MACROD1: variants seen among roughly 807,000 people sequenced by gnomAD.
MACROD1 encodes mono-ADP ribosylhydrolase 1, also known as ADP-ribose glycohydrolase MACROD1.
MACROD1 carries 31 observed loss-of-function variants against 41.4 expected under a neutral mutation model. The observed-to-expected ratio is 0.75, with a 90% CI of 0.56 to 1.01. MACROD1 has a LOEUF of 1.01. MACROD1 is among the 50% of genes least tolerant of loss of function. The pLI is 0.00. For synonymous variants in MACROD1, 252 were observed against 203.4 expected (o/e 1.24, Z -2.03); for missense variants, 473 against 460.0 (o/e 1.03, Z -0.26).
intron 3 of MACROD1, among the ~76,000 whole-genome samples, chr11:64,115,107 C>T (rs1351404370): frequency 6.6e-6 from 1 of 152,166 alleles, no homozygotes; most frequent in African/African-American, 2.4e-5. Flanking sequence ...GCCATCATGT[C>T]CCATCATTGA....
chr11:64,155,676 C>T (rs1353685738), intron 1 of MACROD1, among the ~76,000 whole-genome samples: 1 of 152,176 alleles, frequency 6.6e-6, no homozygotes, highest in East Asian at 1.9e-4. Flanking sequence ...CTTGGGGACA[C>T]AGCAGCCGGA....
At chr11:64,063,585 C>T (rs1226470581) in intron 3 of MACROD1, among the ~76,000 whole-genome samples, 2 of 152,170 alleles carry the variant, frequency 1.3e-5, no homozygotes, top group Non-Finnish European at 1.5e-5. Flanking sequence ...TCTTCCCCGG[C>T]GTCTCTTCCT....
intron 3 of MACROD1, among the ~76,000 whole-genome samples, chr11:64,102,370 C>T (rs534467265): frequency 1.3e-5 from 2 of 152,132 alleles, no homozygotes; most frequent in African/African-American, 4.8e-5. Flanking sequence ...ACTGACCCCC[C>T]ACCTAGGAAG....
At chr11:64,019,557 G>A (rs1181152430) in intron 3 of MACROD1, among the ~76,000 whole-genome samples, 1 of 152,222 alleles carries the variant, frequency 6.6e-6, no homozygotes, top group East Asian at 1.9e-4. Flanking sequence ...GCTCAGAAAC[G>A]ACAGGTCACA....
Position 64,096,660 on chromosome 11 carries a change from G to T in MACROD1, c.517+54579C>A, listed in dbSNP as rs951970225. 2.0e-5 allele frequency among the ~76,000 whole-genome samples: 3 copies of T among 152,002 alleles called. No homozygotes were observed. Among genetic ancestry groups the T allele is most frequent in the Admixed American group, 6.5e-5 (1 of 15,268 alleles). On this transcript the variant is annotated intron_variant, in intron 3 of 10. Coordinates refer to ENST00000255681, the MANE Select transcript of MACROD1 (RefSeq NM_014067.4). The surrounding 1 kb of genome is among the most constrained non-coding windows in gnomAD (Gnocchi z 4.6). Reference sequence around the variant, plus strand: ...TCGAACTCCTGACCTCAAGTTATCCGCCTGCCTCAGCCTCCCAAAGTGCTG... The same window carrying T: ...TCGAACTCCTGACCTCAAGTTATCCTCCTGCCTCAGCCTCCCAAAGTGCTG...
At chr11:64,019,350 G>A (rs183636266) in intron 3 of MACROD1, among the ~76,000 whole-genome samples, 49 of 152,298 alleles carry the variant, frequency 3.2e-4, no homozygotes, top group Non-Finnish European at 6.3e-4. Context: ...CGCTGCTGGC[G>A]GTCCCTGGGG....
At chr11:64,079,016 A>G (rs1418636362) in intron 3 of MACROD1, among the ~76,000 whole-genome samples, 1 of 147,556 alleles carries the variant, frequency 6.8e-6, no homozygotes, top group Non-Finnish European at 1.5e-5. Flanking sequence ...GAGGGTGGTG[A>G]TGGGACTGGG....
In MACROD1 at chr11:64,146,194, A is replaced by T. The variant is rs1349489879; in HGVS notation, c.517+5045T>A. Among the ~76,000 whole-genome samples the T allele has an allele frequency of 6.6e-6, 1 of 152,140 alleles. No homozygotes were observed. The highest frequency in any genetic ancestry group is 1.5e-5 in the Non-Finnish European group (1 of 68,020). On this transcript the variant is annotated intron_variant, in intron 3 of 10. Coordinates refer to ENST00000255681, the MANE Select transcript of MACROD1 (RefSeq NM_014067.4). This position sits in a 1 kb window ranked among gnomAD's most constrained non-coding sequence, Gnocchi z 4.7. ...AAACTCAAGGGCAGGGAGGTGGCCT[A>T]GTCAAGGTCACTGCACCCCCGTGGT... is the stretch of plus-strand genomic sequence containing the variant.
At chr11:64,024,532 GCCTGGGCCTCCCCTCT>G (rs1292989462) in intron 3 of MACROD1, among the ~76,000 whole-genome samples, 3 of 152,232 alleles carry the variant, frequency 2.0e-5, no homozygotes, top group Admixed American at 6.5e-5. Context: ...CCCAGCTGCT[GCCTGGGCCTCCCCTCT>G]CCTGGGCGCC....
intron 4 of MACROD1, chr11:64,009,007 G>A (rs1297751277): frequency 6.6e-6 from 1 of 152,192 alleles, no homozygotes; most frequent in East Asian, 1.9e-4. Flanking sequence ...TGATTTAGAT[G>A]AATAATTGAA....
At position 64,144,326 on chromosome 11, in the gene MACROD1, C is replaced by T. The variant is rs535347730; in HGVS notation, c.517+6913G>A. Among the ~76,000 whole-genome samples, 118 of 152,350 alleles carry T rather than the reference C, an allele frequency of 7.7e-4. 1 individual carries two copies. The highest frequency in any genetic ancestry group is 2.7e-3 in the African/African-American group (113 of 41,588). On this transcript the variant is annotated intron_variant, in intron 3 of 10. Coordinates refer to ENST00000255681, the MANE Select transcript of MACROD1 (RefSeq NM_014067.4). Reference sequence around the variant, plus strand: ...TGCACCATGGTTCCTTTTCCATTCACATGTGTTACCCCTTATCCGGAATTA... The same window carrying T: ...TGCACCATGGTTCCTTTTCCATTCATATGTGTTACCCCTTATCCGGAATTA...
chr11:64,149,621 A>G (rs1945545815), intron 3 of MACROD1, among the ~76,000 whole-genome samples: 1 of 152,118 alleles, frequency 6.6e-6, no homozygotes, highest in Non-Finnish European at 1.5e-5. Context: ...CCACCAACCC[A>G]AGGGGGACAG....
At chr11:64,088,074 T>C (rs955120012) in intron 3 of MACROD1, among the ~76,000 whole-genome samples, 1 of 152,168 alleles carries the variant, frequency 6.6e-6, no homozygotes, top group African/African-American at 2.4e-5. Context: ...CCCCTGGCTC[T>C]TCCCATAGGC....
intron 3 of MACROD1, among the ~76,000 whole-genome samples, chr11:64,031,224 C>T (rs80002241): frequency 6.0e-4 from 91 of 152,294 alleles, no homozygotes; most frequent in African/African-American, 2.1e-3. Context: ...TTCACCCTAC[C>T]TGGCTTTGTC....
chr11:64,001,700 C>T lies in MACROD1; in HGVS notation c.548-1357G>A, dbSNP rs568847247. ...CTCAGGCCTGGATCCCTTCCACCTG[C>T]TCCTCTCCTCTGCAGGGAGAAAGGC... is the stretch of plus-strand genomic sequence containing the variant. On this transcript the variant is annotated intron_variant, in intron 4 of 10. Coordinates refer to ENST00000255681, the MANE Select transcript of MACROD1 (RefSeq NM_014067.4). 8.8e-4 allele frequency: 616 copies of T among 702,340 alleles called. 3 individuals are homozygous for T. Among genetic ancestry groups the T allele is most frequent in the South Asian group, 1.9e-3 (129 of 67,598 alleles). 43.5% of individuals were successfully genotyped at this position (702,340 alleles called of 1,614,324 possible).
intron 1 of MACROD1, among the ~76,000 whole-genome samples, chr11:64,157,082 G>A (rs1432438693): frequency 6.6e-6 from 1 of 151,960 alleles, no homozygotes; most frequent in Non-Finnish European, 1.5e-5. Context: ...CATGCCCCAC[G>A]CATTTCTGTG....
intron 3 of MACROD1, among the ~76,000 whole-genome samples, chr11:64,105,748 G>A (rs377220878): frequency 1.1e-4 from 16 of 152,254 alleles, no homozygotes; most frequent in African/African-American, 3.1e-4. Context: ...CATCCTCCCT[G>A]TGCCAAACCC....
chr11:64,025,388 G>A (rs549741210), intron 3 of MACROD1, among the ~76,000 whole-genome samples: 12 of 152,262 alleles, frequency 7.9e-5, no homozygotes, highest in African/African-American at 2.2e-4. Flanking sequence ...GGCTGCTGTG[G>A]CCTCCTACAT....
Position 63,999,657 on chromosome 11 carries a change from G to T in MACROD1, c.771C>A (p.His257Gln), listed in dbSNP as rs747233402. The T allele has an allele frequency of 1.2e-6, 2 of 1,609,368 alleles. No homozygotes were observed. Among genetic ancestry groups the T allele is most frequent in the East Asian group, 2.2e-5 (1 of 44,744 alleles). Residue 257 changes from histidine to glutamine, a missense_variant, in exon 6 of 11, where the codon CAC becomes CAA. Transcript: ENST00000255681. Reference protein sequence around the residue: ...YLSSLDLLLEHRLRSVAFPCI... With the variant: ...YLSSLDLLLEQRLRSVAFPCI... ...CGTCCCTCACCACCGAGCGGAGCCG[G>T]TGCTCCAGCAGCAGGTCCAGACTGC...
Sources: allele counts gnomAD v4.1 joint callset (sites outside exome capture counted in the v4.1 genomes callset), GRCh38; gene constraint gnomAD v4.1.1; non-coding constraint Gnocchi (gnomAD v3.1); transcripts MANE v1.5; gene names NCBI Gene and HGNC (gene_info 2026-07-23, HGNC 2026-07-21).